STX18: variants seen among roughly 807,000 people sequenced by gnomAD.
STX18 encodes syntaxin 18.
STX18 carries 40 observed loss-of-function variants against 50.1 expected under a neutral mutation model. That is an observed-to-expected ratio of 0.80 (90% CI 0.62 to 1.04). The LOEUF is 1.04. STX18 is among the 50% of genes least tolerant of loss of function. The probability of loss-of-function intolerance (pLI) is 0.00; values close to 1 mark genes in which losing one functional copy is unlikely to be tolerated. For missense variants in STX18, 410 were observed against 415.8 expected (o/e 0.99, Z 0.12); for synonymous variants, 158 against 151.8 (o/e 1.04, Z -0.30).
chr4:4,476,614 T>C (rs565191989), intron 1 of STX18, among the ~76,000 whole-genome samples: 2 of 152,368 alleles, frequency 1.3e-5, no homozygotes, highest in South Asian at 4.1e-4. Flanking sequence ...TTAGTGATAT[T>C]AAGGAATAAT....
chr4:4,483,901 G>T (rs1728574272), intron 1 of STX18, among the ~76,000 whole-genome samples: 1 of 151,204 alleles, frequency 6.6e-6, no homozygotes. Flanking sequence ...CGCTCCTGTT[G>T]CCCAGGCTGG....
At chr4:4,443,419 A>G (rs1726223069) in intron 5 of STX18, among the ~76,000 whole-genome samples, 1 of 152,244 alleles carries the variant, frequency 6.6e-6, no homozygotes, top group Non-Finnish European at 1.5e-5. Context: ...TCTGATAAAC[A>G]CGTACAAAAT....
chr4:4,457,929 AG>A (rs1277417633), intron 3 of STX18, among the ~76,000 whole-genome samples: 5 of 152,120 alleles, frequency 3.3e-5, no homozygotes, highest in Non-Finnish European at 4.4e-5. Flanking sequence ...TCACATTCTA[AG>A]GGTCCCTTAG....
At position 4,463,210 on chromosome 4, in the gene STX18, A is replaced by G. The variant is rs59438689; in HGVS notation, c.237-3723T>C. ...ACATGTTAGACTTTGTGGGCCTTGT[A>G]GCCCATCACAGCTACTCAACTCTGC... On this transcript the variant is annotated intron_variant, in intron 2 of 10. Transcript: ENST00000306200. Among the ~76,000 whole-genome samples the G allele has an allele frequency of 4.4e-3, 666 of 152,312 alleles. 8 individuals are homozygous for G. Among genetic ancestry groups the G allele is most frequent in the African/African-American group, 0.015 (637 of 41,570 alleles).
In STX18 at chr4:4,420,832, C is replaced by T. The variant is rs187434069; in HGVS notation, c.912+32G>A. The T allele has an allele frequency of 5.6e-5, 90 of 1,596,370 alleles. No individual in the cohort carries two copies. In the Middle Eastern group the frequency reaches 6.6e-4, roughly 12 times the overall value. Reference sequence around the variant, plus strand: ...GCTGCTGGGACTCAGTGCTGCGCCACGTCGCACCTGGGGAACCTAAACAGT... The same window carrying T: ...GCTGCTGGGACTCAGTGCTGCGCCATGTCGCACCTGGGGAACCTAAACAGT... On this transcript the variant is annotated intron_variant, in intron 10 of 10. Coordinates refer to ENST00000306200, the MANE Select transcript of STX18 (RefSeq NM_016930.4). This position sits in a 1 kb window ranked among gnomAD's most constrained non-coding sequence, Gnocchi z 4.3.
intron 1 of STX18, among the ~76,000 whole-genome samples, chr4:4,505,107 C>A (rs1178236973): frequency 3.9e-5 from 6 of 152,174 alleles, no homozygotes. Context: ...TGCTGGGCAA[C>A]CGATTTACTT....
At chr4:4,508,075 G>C (rs1729812207) in intron 1 of STX18, among the ~76,000 whole-genome samples, 1 of 152,124 alleles carries the variant, frequency 6.6e-6, no homozygotes, top group Non-Finnish European at 1.5e-5. Context: ...CACTGCTCAG[G>C]AGAATTATTA....
intron 2 of STX18, among the ~76,000 whole-genome samples, chr4:4,462,511 A>G (rs1727432414): frequency 6.6e-6 from 1 of 152,202 alleles, no homozygotes; most frequent in Non-Finnish European, 1.5e-5. Context: ...AGTAGAATTC[A>G]GTGTGCATGA....
intron 1 of STX18, among the ~76,000 whole-genome samples, chr4:4,527,448 A>C (rs56127665): frequency 0.012 from 1,790 of 152,298 alleles, 38 homozygotes; most frequent in African/African-American, 0.041. Flanking sequence ...GTATTTAACT[A>C]GTCTCTTTTA....
chr4:4,507,257 A>C, intron 1 of STX18: 1 of 688,352 alleles, frequency 1.5e-6, no homozygotes, highest in Non-Finnish European at 2.8e-6. Flanking sequence ...GTGTACTATA[A>C]AGAGTCCGGC....
chr4:4,436,517 AG>A (rs1725783620), intron 6 of STX18, among the ~76,000 whole-genome samples: 1 of 152,186 alleles, frequency 6.6e-6, no homozygotes, highest in African/African-American at 2.4e-5. Context: ...AATTAGAAAC[AG>A]AAACCTTGTT....
intron 1 of STX18, 44 bp from the exon 2 acceptor site, chr4:4,471,750 CA>C (rs1193191228): frequency 1.5e-6 from 2 of 1,323,912 alleles, no homozygotes; most frequent in African/African-American, 1.5e-5. Context: ...AGATATGTTA[CA>C]CTCATGTAAT....
intron 1 of STX18, chr4:4,478,971 T>C (rs560662733): frequency 6.5e-6 from 1 of 152,798 alleles, no homozygotes; most frequent in Admixed American, 6.5e-5. Context: ...GTAGTTCCAC[T>C]GGACTGGGAA....
intron 1 of STX18, among the ~76,000 whole-genome samples, chr4:4,534,091 T>C (rs1731225450): frequency 6.6e-6 from 1 of 152,200 alleles, no homozygotes; most frequent in South Asian, 2.1e-4. Context: ...TCAATCTCCA[T>C]GCAACTGGCT....
At chr4:4,493,473 C>T (rs73796026) in intron 1 of STX18, among the ~76,000 whole-genome samples, 1,596 of 152,262 alleles carry the variant, frequency 0.01, 22 homozygotes, top group African/African-American at 0.037. Context: ...ACAGCATATT[C>T]ACCTGGTAGT....
chr4:4,529,455 C>G (rs28668669), intron 1 of STX18, among the ~76,000 whole-genome samples: 22,900 of 151,744 alleles, frequency 0.15, 1,803 homozygotes, highest in Non-Finnish European at 0.17. Flanking sequence ...GTTAGTCAAG[C>G]ACTTTCAAAT....
chr4:4,476,715 G>A (rs549089131), intron 1 of STX18, among the ~76,000 whole-genome samples: 3 of 151,958 alleles, frequency 2.0e-5, no homozygotes, highest in East Asian at 1.9e-4. Flanking sequence ...TTTTATACAC[G>A]GAACAACTTA....
chr4:4,432,605 C>T (rs920305039), intron 7 of STX18, among the ~76,000 whole-genome samples: 1 of 152,208 alleles, frequency 6.6e-6, no homozygotes, highest in Non-Finnish European at 1.5e-5. Context: ...CATTTTTTGC[C>T]CATCTCACAG....
chr4:4,423,430 C>T, intron 9 of STX18, 88 bp downstream of exon 9: 2 of 1,278,058 alleles, frequency 1.6e-6, no homozygotes, highest in Non-Finnish European at 1.1e-6. Flanking sequence ...CTGTGTAGAG[C>T]AGCAGCCTTT....
Sources: allele counts gnomAD v4.1 joint callset (sites outside exome capture counted in the v4.1 genomes callset), GRCh38; gene constraint gnomAD v4.1.1; non-coding constraint Gnocchi (gnomAD v3.1); transcripts MANE v1.5; gene names NCBI Gene and HGNC (gene_info 2026-07-23, HGNC 2026-07-21).